The following ADAMTS19 variants were observed in gnomAD, a reference collection of about 807,000 sequenced individuals.
ADAMTS19 encodes A disintegrin and metalloproteinase with thrombospondin motifs 19.
ADAMTS19 carries 93 observed loss-of-function variants against 153.3 expected under a neutral mutation model. The ratio of observed to expected loss-of-function variants is 0.61; its 90% CI spans 0.51 to 0.72. ADAMTS19 has a LOEUF of 0.72. Ranked by LOEUF, ADAMTS19 falls within the 30% of genes least tolerant of loss-of-function variation. The pLI is 0.00. For missense variants in ADAMTS19, 1,482 were observed against 1,552.1 expected, an observed-to-expected ratio of 0.95 and a Z score of 0.76; for synonymous variants, 600 against 556.6, an observed-to-expected ratio of 1.08 and a Z score of -1.10.
intron 10 of ADAMTS19, among the ~76,000 whole-genome samples, chr5:129,625,976 G>T (rs888656647): frequency 2.6e-5 from 4 of 151,800 alleles, no homozygotes; most frequent in African/African-American, 9.7e-5. Flanking sequence ...TATGGTTTTA[G>T]GTCTAACATT....
chr5:129,622,767 A>G (rs573977735), intron 10 of ADAMTS19, among the ~76,000 whole-genome samples: 2 of 152,332 alleles, frequency 1.3e-5, no homozygotes, highest in African/African-American at 2.4e-5. Flanking sequence ...GTATTTGCAT[A>G]TAACCTACCC....
chr5:129,636,438 C>A (rs768615565), intron 10 of ADAMTS19, among the ~76,000 whole-genome samples: 5 of 152,078 alleles, frequency 3.3e-5, no homozygotes, highest in Non-Finnish European at 7.4e-5. Context: ...TGAGGGCCTC[C>A]ATTATATAGA....
Position 129,461,798 on chromosome 5 carries a change from G to A in ADAMTS19, c.747+41G>A. ...CCCTAGCTCTCCATTTTCCCCTGCTGCTCCTCTCCTTGCCCATAGGTCAGG... is the reference window on the plus strand; with the variant it reads ...CCCTAGCTCTCCATTTTCCCCTGCTACTCCTCTCCTTGCCCATAGGTCAGG... On this transcript the variant is annotated intron_variant, in intron 2 of 22. Transcript: ENST00000274487. This position sits in a 1 kb window ranked among gnomAD's most constrained non-coding sequence, Gnocchi z 4.6. The A allele has an allele frequency of 6.8e-7, 1 of 1,473,370 alleles. No individual in the cohort carries two copies. The highest frequency in any genetic ancestry group is 8.9e-7 in the Non-Finnish European group (1 of 1,121,606). The allele number at this position is 1,473,370 out of a possible 1,614,324, so 91.3% of individuals were successfully genotyped here. A position where few individuals can be genotyped will look rare whatever the true frequency, so the allele number is the denominator to read the frequency against.
intron 21 of ADAMTS19, among the ~76,000 whole-genome samples, chr5:129,723,408 G>C (rs962397639): frequency 6.6e-6 from 1 of 152,110 alleles, no homozygotes; most frequent in African/African-American, 2.4e-5. Context: ...AACAAGTATA[G>C]GGTTTAAGAA....
intron 2 of ADAMTS19, among the ~76,000 whole-genome samples, chr5:129,494,932 TA>T (rs991816727): frequency 1.3e-5 from 2 of 152,078 alleles, no homozygotes; most frequent in Non-Finnish European, 2.9e-5. Context: ...GTAGTGAGAG[TA>T]AAAAACCATG....
chr5:129,615,828 G>A (rs80335066), intron 8 of ADAMTS19, among the ~76,000 whole-genome samples: 3,597 of 152,030 alleles, frequency 0.024, 63 homozygotes, highest in Non-Finnish European at 0.035. Flanking sequence ...CAGGATCCAG[G>A]CATCCATTGG....
intron 15 of ADAMTS19, among the ~76,000 whole-genome samples, chr5:129,663,648 C>A (rs982156432): frequency 3.9e-5 from 6 of 152,214 alleles, no homozygotes; most frequent in Non-Finnish European, 8.8e-5. Flanking sequence ...GCCTCCACTA[C>A]TCCTGGATTT....
chr5:129,705,996 G>A (rs1460619532), intron 21 of ADAMTS19, among the ~76,000 whole-genome samples: 1 of 152,122 alleles, frequency 6.6e-6, no homozygotes, highest in Non-Finnish European at 1.5e-5. Context: ...GGGAGCAGGA[G>A]GTTTTGGTTA....
At chr5:129,611,083 C>G (rs563354319) in intron 8 of ADAMTS19, among the ~76,000 whole-genome samples, 3 of 152,278 alleles carry the variant, frequency 2.0e-5, no homozygotes, top group African/African-American at 7.2e-5. Flanking sequence ...GCATAAATGT[C>G]TTCTTTTGAG....
intron 19 of ADAMTS19, among the ~76,000 whole-genome samples, chr5:129,696,026 GC>G (rs1256253682): frequency 6.6e-6 from 1 of 152,158 alleles, no homozygotes; most frequent in African/African-American, 2.4e-5. Flanking sequence ...GAACAAAGTT[GC>G]TAATTAACCA....
In ADAMTS19 at chr5:129,522,332, C is replaced by CATATATATATAT. The variant is rs1209637522; in HGVS notation, c.914-3929_914-3918dup. Among the ~76,000 whole-genome samples the CATATATATATAT allele has an allele frequency of 4.4e-3, 259 of 58,604 alleles. 11 individuals carry two copies. Among genetic ancestry groups the CATATATATATAT allele is most frequent in the Middle Eastern group, 0.017 (1 of 60 alleles). The allele number at this position is 58,604 out of a possible 152,430, so 38.4% of individuals were successfully genotyped here. ...ATATATATATACACACACACACACA[C>CATATATATATAT]ATATATATATATATATATATATATA... On this transcript the variant is annotated intron_variant, in intron 3 of 22. Coordinates refer to ENST00000274487, the MANE Select transcript of ADAMTS19 (RefSeq NM_133638.6).
intron 14 of ADAMTS19, 79 bp downstream of exon 14, chr5:129,654,512 G>C: frequency 6.8e-7 from 1 of 1,471,566 alleles, no homozygotes; most frequent in Non-Finnish European, 9.2e-7. Context: ...ACAGCATGGT[G>C]GAAAGCTTTG....
chr5:129,695,996 G>T lies in ADAMTS19; in HGVS notation c.2954+1141G>T, dbSNP rs576018984. On this transcript the variant is annotated intron_variant, in intron 19 of 22. Transcript: ENST00000274487. The stretch of plus-strand genomic sequence containing the variant: ...GCCATCTACCACAAAGAGTAGGTAT[G>T]GGGGAGGGAAGAGGGAGAGGAACAA... Among the ~76,000 whole-genome samples, 54 of 152,252 alleles carry T rather than the reference G, an allele frequency of 3.5e-4. No individual in the cohort carries two copies. In the South Asian group the frequency reaches 0.01, roughly 29 times the overall value.
At chr5:129,488,517 A>G (rs1750667984) in intron 2 of ADAMTS19, among the ~76,000 whole-genome samples, 1 of 152,068 alleles carries the variant, frequency 6.6e-6, no homozygotes, top group African/African-American at 2.4e-5. Flanking sequence ...TAAATGCCAC[A>G]AAGCTTCAGT....
chr5:129,646,130 C>T (rs1040855937), intron 11 of ADAMTS19, among the ~76,000 whole-genome samples: 8 of 151,494 alleles, frequency 5.3e-5, no homozygotes, highest in Non-Finnish European at 1.0e-4. Context: ...CCTCGTGATC[C>T]GCCCGCCTCG....
chr5:129,552,653 G>A (rs1237189035), intron 7 of ADAMTS19, among the ~76,000 whole-genome samples: 1 of 151,742 alleles, frequency 6.6e-6, no homozygotes, highest in Non-Finnish European at 1.5e-5. Flanking sequence ...TCTACAGGAT[G>A]AGCAGTATTT....
rs111985474 is a variant in ADAMTS19 at position 129,671,906 on chromosome 5, TA to T, written c.2506+6336del. ...TAAAGCACTATGGACAACTTCTCAC[TA>T]AAAAAAAATTAAAATGAGCAAAATT... On this transcript the variant is annotated intron_variant, in intron 16 of 22. Transcript: ENST00000274487. Among the ~76,000 whole-genome samples, 41 of 151,298 alleles carry T rather than the reference TA, an allele frequency of 2.7e-4. 1 individual carries two copies. The South Asian group carries it at 4.8e-3, about 18-fold the overall frequency.
intron 10 of ADAMTS19, among the ~76,000 whole-genome samples, chr5:129,624,892 TTGTTACATA>T (rs1459914514): frequency 6.6e-6 from 1 of 152,134 alleles, no homozygotes; most frequent in South Asian, 2.1e-4. Context: ...ATGTGCAGGT[TTGTTACATA>T]TGTATACATG....
At chr5:129,640,912 C>A (rs1269479610) in intron 10 of ADAMTS19, among the ~76,000 whole-genome samples, 2 of 152,080 alleles carry the variant, frequency 1.3e-5, no homozygotes, top group African/African-American at 4.8e-5. Flanking sequence ...GCAACCTCTG[C>A]CTCCCGGGTT....
Sources: gnomAD v4.1 joint callset for allele counts (sites outside exome capture counted in the v4.1 genomes callset) on GRCh38, gnomAD v4.1.1 for gene constraint, Gnocchi (gnomAD v3.1) non-coding constraint, MANE v1.5 for transcripts, NCBI Gene and HGNC (gene_info 2026-07-23, HGNC 2026-07-21) for gene names.